The following SMURF2 variants were observed in gnomAD, a reference collection of about 807,000 sequenced individuals.
SMURF2 encodes SMAD specific E3 ubiquitin protein ligase 2.
In SMURF2, 48 loss-of-function variants were observed where a neutral mutation model predicts 109.6. That is an observed-to-expected ratio of 0.44 (90% CI 0.35 to 0.56). SMURF2 has a LOEUF of 0.56. Ranked by LOEUF, SMURF2 falls within the 20% of genes least tolerant of loss-of-function variation. The probability of loss-of-function intolerance (pLI) is 0.01; values close to 1 mark genes in which losing one functional copy is unlikely to be tolerated. For synonymous variants in SMURF2, 288 were observed against 317.1 expected (o/e 0.91, Z 0.97); for missense variants, 575 against 909.0 (o/e 0.63, Z 4.72).
chr17:64,566,561 GTTTTTTTTTT>G (rs1164717270), intron 10 of SMURF2, among the ~76,000 whole-genome samples: 2,015 of 43,800 alleles, frequency 0.046, 60 homozygotes, highest in Middle Eastern at 0.091. Flanking sequence ...AAGCTTTCTG[GTTTTTTTTTT>G]TTTTTTTTTT....
intron 2 of SMURF2, 147 bp downstream of exon 2, chr17:64,606,455 T>C: frequency 3.0e-6 from 2 of 666,120 alleles, no homozygotes. Flanking sequence ...AAAAATGTGA[T>C]GCCAAATGGC....
chr17:64,640,867 C>T (rs576523368), intron 1 of SMURF2, among the ~76,000 whole-genome samples: 4 of 148,376 alleles, frequency 2.7e-5, no homozygotes, highest in East Asian at 2.0e-4. Flanking sequence ...TGCAGTAAGC[C>T]GAGATCATGC....
intron 6 of SMURF2, among the ~76,000 whole-genome samples, chr17:64,585,474 A>T (rs1969640244): frequency 6.6e-6 from 1 of 152,222 alleles, no homozygotes; most frequent in African/African-American, 2.4e-5. Flanking sequence ...ATTATCACTC[A>T]TACTCTTTTG....
chr17:64,652,301 T>C (rs1598318081), intron 1 of SMURF2, among the ~76,000 whole-genome samples: 1 of 152,310 alleles, frequency 6.6e-6, no homozygotes, highest in East Asian at 1.9e-4. Flanking sequence ...CTGAACAAAT[T>C]AAACAGCCGC....
At chr17:64,551,843 T>A in intron 15 of SMURF2, 139 bp from the exon 16 acceptor site, 1 of 1,075,774 alleles carries the variant, frequency 9.3e-7, no homozygotes, top group Non-Finnish European at 1.3e-6. Flanking sequence ...TAACAATAAA[T>A]CTCAGACTAA....
chr17:64,600,351 G>A (rs1386219636), intron 2 of SMURF2, among the ~76,000 whole-genome samples: 2 of 152,178 alleles, frequency 1.3e-5, no homozygotes, highest in African/African-American at 2.4e-5. Context: ...AAATGTTAGA[G>A]AGACAAAAAT....
intron 1 of SMURF2, among the ~76,000 whole-genome samples, chr17:64,638,747 C>T (rs1310040757): frequency 2.0e-5 from 3 of 152,196 alleles, no homozygotes; most frequent in African/African-American, 7.2e-5. Flanking sequence ...TGCTAGACAA[C>T]CTCTAGCTAT....
In SMURF2 at chr17:64,588,993, C is replaced by T. The variant is rs1236178449; in HGVS notation, c.400+2091G>A. 2.0e-5 allele frequency among the ~76,000 whole-genome samples: 3 copies of T among 152,140 alleles called. No individual in the cohort carries two copies. In the East Asian group the frequency reaches 5.8e-4, roughly 29 times the overall value. On this transcript the variant is annotated intron_variant, in intron 5 of 18. Transcript: ENST00000262435. Reference sequence around the variant, plus strand: ...ATTTTCCAAAAAGTATATATACCTACTTACAATTATTTGTTAGAGGGCTCA... The same window carrying T: ...ATTTTCCAAAAAGTATATATACCTATTTACAATTATTTGTTAGAGGGCTCA...
At chr17:64,616,093 G>A (rs1412943481) in intron 1 of SMURF2, among the ~76,000 whole-genome samples, 3 of 151,986 alleles carry the variant, frequency 2.0e-5, no homozygotes, top group African/African-American at 7.3e-5. Context: ...ACCTCCCAAA[G>A]TGCTGGGATT....
In SMURF2 at chr17:64,633,438, C is replaced by T. The variant is rs149430747; in HGVS notation, c.53-26798G>A. On this transcript the variant is annotated intron_variant, in intron 1 of 18. Coordinates refer to ENST00000262435, the MANE Select transcript of SMURF2 (RefSeq NM_022739.4). ...ACACTCCCTTTCCACTTAAACCCTC[C>T]ATACCCACACCGGTATCATTCCATC... Among the ~76,000 whole-genome samples the T allele has an allele frequency of 3.7e-4, 57 of 152,276 alleles. No individual in the cohort carries two copies. In the East Asian group the frequency reaches 0.011, roughly 28 times the overall value.
intron 9 of SMURF2, among the ~76,000 whole-genome samples, chr17:64,576,771 G>C (rs189002049): frequency 7.6e-4 from 114 of 149,660 alleles, no homozygotes; most frequent in African/African-American, 2.7e-3. Context: ...ATTTTTCAAA[G>C]ATTTTTTTTT....
chr17:64,571,596 T>G (rs898408682), intron 10 of SMURF2, among the ~76,000 whole-genome samples: 1 of 152,122 alleles, frequency 6.6e-6, no homozygotes. Context: ...ACAACTTTTT[T>G]TTTGTAGAGA....
At chr17:64,560,679 G>C (rs781953578) in intron 12 of SMURF2, among the ~76,000 whole-genome samples, 27 of 151,828 alleles carry the variant, frequency 1.8e-4, no homozygotes, top group Admixed American at 8.5e-4. Context: ...ATAAATCACT[G>C]GCTGGGTGTG....
At chr17:64,612,685 C>T (rs1448005321) in intron 1 of SMURF2, among the ~76,000 whole-genome samples, 1 of 151,856 alleles carries the variant, frequency 6.6e-6, no homozygotes, top group Admixed American at 6.6e-5. Context: ...CTCCCTCCAC[C>T]CCTCAAAAAA....
At chr17:64,554,032 CAT>C in intron 15 of SMURF2, among the ~76,000 whole-genome samples, 1 of 152,330 alleles carries the variant, frequency 6.6e-6, no homozygotes, top group East Asian at 1.9e-4. Flanking sequence ...TAGCCCAATA[CAT>C]AAAAATTCCT....
At chr17:64,611,133 C>CTTATTTCACTG (rs1226158536) in intron 1 of SMURF2, among the ~76,000 whole-genome samples, 2 of 152,208 alleles carry the variant, frequency 1.3e-5, no homozygotes, top group Non-Finnish European at 2.9e-5. Context: ...TTATTTCACT[C>CTTATTTCACTG]TGTAACCTGA....
intron 1 of SMURF2, among the ~76,000 whole-genome samples, chr17:64,650,166 C>T (rs1022972139): frequency 8.0e-5 from 12 of 150,478 alleles, no homozygotes; most frequent in African/African-American, 2.9e-4. Context: ...CTTTCATGTA[C>T]ATTATTCCAT....
intron 1 of SMURF2, among the ~76,000 whole-genome samples, chr17:64,631,279 G>GGGGGAGAGAGAGAGAGAGAGAGAGAGA (rs1970338690): frequency 1.3e-4 from 1 of 7,442 alleles, no homozygotes; most frequent in Non-Finnish European, 2.9e-4. Context: ...AGAGGGGGGG[G>GGGGGAGAGAGAGAGAGAGAGAGAGAGA]GGGAGAGAGA....
In SMURF2 at chr17:64,561,550, T is replaced by G; in HGVS notation, c.1266A>C (p.Leu422Phe). Residue 422 changes from leucine (L) to phenylalanine (F), a missense_variant, in exon 12 of 19, where the codon TTA (leucine) becomes TTC (phenylalanine). By Grantham distance (22) the Leu-to-Phe change is conservative. This residue lies in a region of SMURF2 where 361 missense variants were observed against 612.1 expected (regional missense o/e 0.59). Coordinates refer to ENST00000262435, the MANE Select transcript of SMURF2 (RefSeq NM_022739.4). ...CTTCTTCTCCACGAAATTTTATCAT[T>G]AATCGCTTCCAGAGATCTTTTGGTC... ...KMRPKDLWKR[L>F]MIKFRGEEGL... 6.2e-7 allele frequency: 1 copy of G among 1,613,954 alleles called. No individual in the cohort carries two copies. The highest frequency in any genetic ancestry group is 8.5e-7 in the Non-Finnish European group (1 of 1,180,008).
Sources: gnomAD v4.1 joint callset for allele counts (sites outside exome capture counted in the v4.1 genomes callset) on GRCh38, gnomAD v4.1.1 for gene constraint, gnomAD v4.1.1 regional missense constraint, MANE v1.5 for transcripts, NCBI Gene and HGNC (gene_info 2026-07-23, HGNC 2026-07-21) for gene names.